SPOCK1: variants seen among roughly 807,000 people sequenced by gnomAD.
The protein encoded by SPOCK1 is testican-1.
SPOCK1 carries 23 observed loss-of-function variants against 55.3 expected under a neutral mutation model. The ratio of observed to expected loss-of-function variants is 0.42; its 90% CI spans 0.30 to 0.59. The LOEUF (loss-of-function observed/expected upper bound fraction) is 0.59. Among genes scored for constraint, SPOCK1 ranks in the 20% least tolerant of loss-of-function variants. SPOCK1 has a pLI of 0.22. For missense variants in SPOCK1, 499 were observed against 552.5 expected (o/e 0.90, Z 0.97); for synonymous variants, 226 against 221.0 (o/e 1.02, Z -0.20).
intron 6 of SPOCK1, among the ~76,000 whole-genome samples, chr5:137,044,732 C>T (rs1223371591): frequency 1.7e-4 from 25 of 150,864 alleles, no homozygotes; most frequent in Middle Eastern, 3.4e-3. Flanking sequence ...CATGCTGGTG[C>T]GCTGCGCCCA....
intron 2 of SPOCK1, among the ~76,000 whole-genome samples, chr5:137,479,910 C>A (rs1394635315): frequency 6.6e-6 from 1 of 152,114 alleles, no homozygotes; most frequent in East Asian, 1.9e-4. Context: ...GTAGGCAAGT[C>A]CCCTGCCTGG....
intron 2 of SPOCK1, among the ~76,000 whole-genome samples, chr5:137,469,025 T>C (rs922016020): frequency 3.5e-4 from 53 of 152,142 alleles, no homozygotes; most frequent in African/African-American, 1.3e-3. Flanking sequence ...TGATAAACTG[T>C]AGGAAGCTGG....
intron 3 of SPOCK1, among the ~76,000 whole-genome samples, chr5:137,166,596 AAAT>A (rs1331605435): frequency 6.6e-6 from 1 of 152,162 alleles, no homozygotes; most frequent in African/African-American, 2.4e-5. Flanking sequence ...AATGAATCAG[AAAT>A]AATAACTACA....
chr5:136,980,240 C>T (rs143350784), intron 9 of SPOCK1, among the ~76,000 whole-genome samples: 1 of 149,420 alleles, frequency 6.7e-6, no homozygotes, highest in African/African-American at 2.5e-5. Context: ...AAGCAAAATT[C>T]CTTCTTTGAT....
intron 6 of SPOCK1, among the ~76,000 whole-genome samples, chr5:137,024,314 A>AGGCC (rs71583270): frequency 1.7e-5 from 2 of 119,262 alleles, no homozygotes; most frequent in South Asian, 3.4e-4. Flanking sequence ...ACCAGTTTGA[A>AGGCC]GGGGGGGGGG....
At chr5:137,346,988 G>T (rs1750571380) in intron 2 of SPOCK1, among the ~76,000 whole-genome samples, 1 of 152,032 alleles carries the variant, frequency 6.6e-6, no homozygotes, top group Non-Finnish European at 1.5e-5. Context: ...TCCCTTCTCT[G>T]TTACCTCCAG....
rs1198482434 is a variant in SPOCK1 at position 137,044,904 on chromosome 5, T to C, written c.589+22811A>G. Among the ~76,000 whole-genome samples, 14 of 146,574 alleles carry C rather than the reference T, an allele frequency of 9.6e-5. No individual in the cohort carries two copies. The South Asian group carries it at 1.1e-3, about 12-fold the overall frequency. On this transcript the variant is annotated intron_variant, in intron 6 of 10. Coordinates refer to ENST00000394945, the MANE Select transcript of SPOCK1 (RefSeq NM_004598.4). ...TGAGAATATGCGGTGTTTGGTTTTT[T>C]GTTCTTGCGATAGTTTACTGAGAAT...
intron 2 of SPOCK1, among the ~76,000 whole-genome samples, chr5:137,337,349 AC>A (rs1390399220): frequency 6.6e-6 from 1 of 152,200 alleles, no homozygotes; most frequent in Non-Finnish European, 1.5e-5. Context: ...CCTGCAGCTA[AC>A]ATTTCCAATG....
chr5:137,410,902 T>C (rs555954045), intron 2 of SPOCK1, among the ~76,000 whole-genome samples: 1 of 152,294 alleles, frequency 6.6e-6, no homozygotes, highest in South Asian at 2.1e-4. Flanking sequence ...AAATACCACC[T>C]TGAGAAGAGC....
chr5:137,406,331 A>G (rs1484465468), intron 2 of SPOCK1, among the ~76,000 whole-genome samples: 1 of 152,200 alleles, frequency 6.6e-6, no homozygotes, highest in African/African-American at 2.4e-5. Flanking sequence ...GTGTGTATCA[A>G]TGAGCAAGGA....
chr5:137,099,557 T>TA (rs1425701703), intron 5 of SPOCK1, among the ~76,000 whole-genome samples: 8 of 134,854 alleles, frequency 5.9e-5, no homozygotes, highest in African/African-American at 2.1e-4. Flanking sequence ...CTAACAGATT[T>TA]AAAAAAATAT....
At chr5:137,145,343 G>T (rs1480872361) in intron 3 of SPOCK1, among the ~76,000 whole-genome samples, 1 of 152,078 alleles carries the variant, frequency 6.6e-6, no homozygotes, top group Non-Finnish European at 1.5e-5. Flanking sequence ...AATTGTTTCT[G>T]AACTTGTTTT....
At chr5:137,468,338 C>T (rs1753664312) in intron 2 of SPOCK1, among the ~76,000 whole-genome samples, 1 of 152,190 alleles carries the variant, frequency 6.6e-6, no homozygotes, top group Middle Eastern at 3.2e-3. Context: ...GAAACAGACA[C>T]AGACCAGTGG....
intron 5 of SPOCK1, among the ~76,000 whole-genome samples, chr5:137,098,634 C>T (rs922567907): frequency 6.6e-5 from 10 of 152,238 alleles, no homozygotes; most frequent in Non-Finnish European, 1.3e-4. Flanking sequence ...TTCACAGGTA[C>T]AACCTCTCTT....
At chr5:137,216,041 A>G (rs1419666396) in intron 3 of SPOCK1, among the ~76,000 whole-genome samples, 1 of 152,186 alleles carries the variant, frequency 6.6e-6, no homozygotes, top group East Asian at 1.9e-4. Flanking sequence ...CAAATGTCCA[A>G]TGAAAGGATG....
intron 5 of SPOCK1, among the ~76,000 whole-genome samples, chr5:137,080,146 C>A (rs2127013275): frequency 6.6e-6 from 1 of 152,192 alleles, no homozygotes; most frequent in African/African-American, 2.4e-5. Flanking sequence ...ATATTTTCTC[C>A]TTTAATTTTC....
intron 2 of SPOCK1, among the ~76,000 whole-genome samples, chr5:137,494,264 G>T (rs1754250626): frequency 6.6e-6 from 1 of 152,162 alleles, no homozygotes; most frequent in African/African-American, 2.4e-5. Context: ...ATCCCACTCT[G>T]TCTTAACCTA....
intron 4 of SPOCK1, among the ~76,000 whole-genome samples, chr5:137,117,397 T>A (rs1202684105): frequency 6.6e-6 from 1 of 152,250 alleles, no homozygotes; most frequent in Non-Finnish European, 1.5e-5. Context: ...TCAAGCATTA[T>A]AACCTGTTCA....
chr5:137,313,961 T>C (rs1757832496), intron 2 of SPOCK1, among the ~76,000 whole-genome samples: 1 of 149,252 alleles, frequency 6.7e-6, no homozygotes, highest in African/African-American at 2.5e-5. Flanking sequence ...GCTTTTTGTG[T>C]TCCCAGATGG....
Sources: gnomAD v4.1 joint callset for allele counts (sites outside exome capture counted in the v4.1 genomes callset) on GRCh38, gnomAD v4.1.1 for gene constraint, MANE v1.5 for transcripts, NCBI Gene and HGNC (gene_info 2026-07-23, HGNC 2026-07-21) for gene names.